The following AKAP10 variants were observed in gnomAD, a reference collection of about 807,000 sequenced individuals.
AKAP10 encodes A-kinase anchor protein 10, mitochondrial.
AKAP10 carries 24 observed loss-of-function variants against 80.8 expected under a neutral mutation model. The ratio of observed to expected loss-of-function variants is 0.30; its 90% confidence interval spans 0.22 to 0.42. The LOEUF is 0.42. Ranked by LOEUF, AKAP10 falls within the 10% of genes least tolerant of loss-of-function variation. The probability of loss-of-function intolerance (pLI) is 1.00; values close to 1 mark genes in which losing one functional copy is unlikely to be tolerated. For synonymous variants in AKAP10, 291 were observed against 277.7 expected (o/e 1.05, Z -0.48); for missense variants, 661 against 794.9 (o/e 0.83, Z 2.03).
chr17:19,967,317 A>G (rs1472878062), intron 2 of AKAP10, among the ~76,000 whole-genome samples: 1 of 152,250 alleles, frequency 6.6e-6, no homozygotes, highest in East Asian at 1.9e-4. Context: ...TAAACAAAAT[A>G]TATTTTAAAT....
rs779545846 is a variant in AKAP10 at position 19,968,442 on chromosome 17, C to T, written c.108G>A (p.Glu36=). The T allele has an allele frequency of 1.4e-5, 22 of 1,613,816 alleles. No homozygotes were observed. The highest frequency in any genetic ancestry group is 1.8e-5 in the Non-Finnish European group (21 of 1,179,856). ...FRRKVKGKEQ[E]KTSDVKSIKA... ...TAATGGACTTCACATCTGAGGTCTT[C>T]TCTTGTTCTTTGCCTTTCACTAGAA... Residue 36 remains glutamate, a synonymous_variant, in exon 2 of 15, where the codon GAG becomes GAA. Transcript: ENST00000225737.
chr17:19,911,819 G>A (rs1456851586), intron 12 of AKAP10, among the ~76,000 whole-genome samples: 2 of 65,782 alleles, frequency 3.0e-5, no homozygotes, highest in Admixed American at 4.8e-4. Context: ...TCGGCAACAA[G>A]AGCAAAACTC....
At chr17:19,927,949 A>G (rs2042892279) in intron 10 of AKAP10, among the ~76,000 whole-genome samples, 2 of 144,928 alleles carry the variant, frequency 1.4e-5, no homozygotes, top group African/African-American at 2.6e-5. Flanking sequence ...GCTGGGCCCA[A>G]TGGCTCACGC....
rs80234875 is a variant in AKAP10 at position 19,942,865 on chromosome 17, T to C, written c.977-955A>G. On this transcript the variant is annotated intron_variant, in intron 5 of 14. Coordinates refer to ENST00000225737, the MANE Select transcript of AKAP10 (RefSeq NM_007202.4). ...CCTAGACAATACAAATCTGTGATAC[T>C]GTGAAATATGTTATTTAGTCTTTGC... 2.7e-3 allele frequency among the ~76,000 whole-genome samples: 405 copies of C among 152,170 alleles called. 15 individuals carry two copies. The East Asian group carries it at 0.074, about 28-fold the overall frequency.
intron 11 of AKAP10, among the ~76,000 whole-genome samples, chr17:19,923,153 C>G (rs2042836468): frequency 6.6e-6 from 1 of 152,130 alleles, no homozygotes; most frequent in African/African-American, 2.4e-5. Context: ...TCTTGGCTCA[C>G]TGCAACCTCC....
At chr17:19,927,010 C>G (rs1350388727) in intron 10 of AKAP10, among the ~76,000 whole-genome samples, 1 of 152,004 alleles carries the variant, frequency 6.6e-6, no homozygotes, top group Non-Finnish European at 1.5e-5. Context: ...GTAATCCCAG[C>G]TACTCGGGAG....
rs2042998912 is a variant in AKAP10 at position 19,936,974 on chromosome 17, T to C, written c.1323-544A>G. Among the ~76,000 whole-genome samples the C allele has an allele frequency of 2.6e-5, 4 of 152,226 alleles. No individual in the cohort carries two copies. In the South Asian group the frequency reaches 8.3e-4, roughly 32 times the overall value. On this transcript the variant is annotated intron_variant, in intron 8 of 14. Transcript: ENST00000225737. ...CCTATTTGGATAGAACAGGACTTACTGATGACTCGGTGTGGAAAGGGAGTA... is the reference window on the plus strand; with the variant it reads ...CCTATTTGGATAGAACAGGACTTACCGATGACTCGGTGTGGAAAGGGAGTA...
chr17:19,977,432 G>C (rs1167254536), intron 1 of AKAP10, among the ~76,000 whole-genome samples, 160 bp downstream of exon 1: 4 of 152,218 alleles, frequency 2.6e-5, no homozygotes, highest in Non-Finnish European at 5.9e-5. Context: ...CCTCCCAGAA[G>C]AGTCCCGGAG....
chr17:19,923,587 C>G (rs930085860), intron 11 of AKAP10, among the ~76,000 whole-genome samples: 1 of 151,618 alleles, frequency 6.6e-6, no homozygotes, highest in Non-Finnish European at 1.5e-5. Flanking sequence ...AGTGCAGTGG[C>G]ACAATCTAAG....
chr17:19,968,438 T>C lies in AKAP10; in HGVS notation c.112A>G (p.Thr38Ala). 1 of 1,613,798 alleles carries C rather than the reference T, an allele frequency of 6.2e-7. No homozygotes were observed. The stretch of plus-strand genomic sequence containing the variant: ...CCTTTAATGGACTTCACATCTGAGG[T>C]CTTCTCTTGTTCTTTGCCTTTCACT... ...RKVKGKEQEK[T>A]SDVKSIKASI... Residue 38 changes from threonine to alanine, a missense_variant, in exon 2 of 15, where the codon ACC becomes GCC. Coordinates refer to ENST00000225737, the MANE Select transcript of AKAP10 (RefSeq NM_007202.4).
In AKAP10 at chr17:19,936,332, T is replaced by C. The variant is rs772247183; in HGVS notation, c.1421A>G (p.Asn474Ser). 5.0e-6 allele frequency: 8 copies of C among 1,613,854 alleles called. No individual in the cohort carries two copies. The highest frequency in any genetic ancestry group is 2.2e-5 in the East Asian group (1 of 44,892). Residue 474 changes from asparagine (N) to serine (S), a missense_variant, in exon 9 of 15, where the codon AAC becomes AGC. By Grantham distance (46) the Asn-to-Ser change is conservative. Transcript: ENST00000225737. ...NICREGGPLPNCFTTPLRQAW... is the reference protein window; with the variant it reads ...NICREGGPLPSCFTTPLRQAW... Reference sequence around the variant, plus strand: ...CTGACGTAATGGAGTTGTGAAACAGTTGGGGAGTGGCCCACCTTCCCTGCA... The same window carrying C: ...CTGACGTAATGGAGTTGTGAAACAGCTGGGGAGTGGCCCACCTTCCCTGCA...
At chr17:19,970,182 C>G (rs896477270) in intron 1 of AKAP10, among the ~76,000 whole-genome samples, 1 of 152,132 alleles carries the variant, frequency 6.6e-6, no homozygotes, top group Non-Finnish European at 1.5e-5. Flanking sequence ...CTACCTCAGT[C>G]TTCATCTTCC....
At chr17:19,976,562 C>T (rs2043569703) in intron 1 of AKAP10, among the ~76,000 whole-genome samples, 1 of 151,746 alleles carries the variant, frequency 6.6e-6, no homozygotes, top group Non-Finnish European at 1.5e-5. Context: ...TCTTTTTGCC[C>T]AGGCTGGAGT....
chr17:19,907,394 C>T (rs1390927336), intron 14 of AKAP10, among the ~76,000 whole-genome samples: 2 of 150,682 alleles, frequency 1.3e-5, no homozygotes, highest in Admixed American at 1.3e-4. Context: ...TCTCATTATA[C>T]TCTTGTTTTC....
At chr17:19,965,860 T>C (rs1295856839) in intron 2 of AKAP10, among the ~76,000 whole-genome samples, 1 of 152,146 alleles carries the variant, frequency 6.6e-6, no homozygotes, top group Admixed American at 6.5e-5. Flanking sequence ...ATGTACCTTT[T>C]TTTTTTTTGG....
chr17:19,958,856 T>C (rs967109184), intron 3 of AKAP10, among the ~76,000 whole-genome samples: 2 of 146,496 alleles, frequency 1.4e-5, no homozygotes, highest in Non-Finnish European at 3.0e-5. Flanking sequence ...TTTTTTTTTT[T>C]TTTTTTTTTT....
At chr17:19,944,698 CT>C (rs2152415041) in intron 5 of AKAP10, among the ~76,000 whole-genome samples, 1 of 152,182 alleles carries the variant, frequency 6.6e-6, no homozygotes, top group Non-Finnish European at 1.5e-5. Flanking sequence ...TGCTTTATTC[CT>C]TTTTTTCCCT....
chr17:19,947,608 T>G, intron 4 of AKAP10, 103 bp from the exon 5 acceptor site: 4 of 824,744 alleles, frequency 4.8e-6, no homozygotes, highest in Non-Finnish European at 6.1e-6. Flanking sequence ...GAGTTCCTAT[T>G]GCAAAATAAA....
At position 19,924,317 on chromosome 17, in the gene AKAP10, G is replaced by T; in HGVS notation, c.1751+91C>A. ...TGAAAGTTCTGGGCATATAATAATA[G>T]ATTAGAAAAAAATGTAAAATTTAAT... On this transcript the variant is annotated intron_variant, in intron 11 of 14. Coordinates refer to ENST00000225737, the MANE Select transcript of AKAP10 (RefSeq NM_007202.4). 3.3e-6 allele frequency: 3 copies of T among 909,142 alleles called. No homozygotes were observed. In the South Asian group the frequency reaches 6.7e-5, roughly 20 times the overall value. 56.3% of individuals were successfully genotyped at this position (909,142 alleles called of 1,614,324 possible).
Sources: gnomAD v4.1 joint callset for allele counts (sites outside exome capture counted in the v4.1 genomes callset) on GRCh38, gnomAD v4.1.1 for gene constraint, MANE v1.5 for transcripts, NCBI Gene and HGNC (gene_info 2026-07-23, HGNC 2026-07-21) for gene names.